BEND6: variants seen among roughly 807,000 people sequenced by gnomAD.
The protein encoded by BEND6 is BEN domain containing 6.
In BEND6, 24 loss-of-function variants were observed where a neutral mutation model predicts 31.8. The ratio of observed to expected loss-of-function variants is 0.75; its 90% CI spans 0.55 to 1.06. The LOEUF is 1.06. BEND6 is among the 50% of genes least tolerant of loss of function. The pLI is 0.00. For missense variants in BEND6, 294 were observed against 327.4 expected (o/e 0.90, Z 0.79); for synonymous variants, 109 against 114.6 (o/e 0.95, Z 0.31).
intron 2 of BEND6, among the ~76,000 whole-genome samples, chr6:56,985,176 G>T (rs1381405850): frequency 2.0e-5 from 3 of 152,172 alleles, no homozygotes; most frequent in South Asian, 2.1e-4. Context: ...TGCCATGCCT[G>T]TGCGCTACCA....
rs1827658291 is a variant in BEND6 at position 57,019,073 on chromosome 6, C to T, written c.*9+516C>T. The stretch of plus-strand genomic sequence containing the variant: ...ACTATTGGCTGAAGTGTGCAGCGTT[C>T]TTCTCCACCATCCTACATGTTGCTT... On this transcript the variant is annotated intron_variant, in intron 6 of 6. Transcript: ENST00000370746. 2.6e-5 allele frequency among the ~76,000 whole-genome samples: 4 copies of T among 152,326 alleles called. No homozygotes were observed. In the South Asian group the frequency reaches 8.3e-4, roughly 32 times the overall value.
chr6:56,986,736 G>A (rs1003500102), intron 2 of BEND6, among the ~76,000 whole-genome samples: 1 of 152,092 alleles, frequency 6.6e-6, no homozygotes, highest in African/African-American at 2.4e-5. Context: ...GTTTTTCGAA[G>A]TCTTGCACTC....
At chr6:57,002,074 A>G (rs1221706277) in intron 3 of BEND6, among the ~76,000 whole-genome samples, 1 of 152,244 alleles carries the variant, frequency 6.6e-6, no homozygotes. Context: ...ATATCAGATA[A>G]AACAGACTTT....
intron 3 of BEND6, among the ~76,000 whole-genome samples, chr6:56,995,798 G>GT (rs1826686165): frequency 6.6e-6 from 1 of 152,252 alleles, no homozygotes; most frequent in South Asian, 2.1e-4. Context: ...ACATTCTGAG[G>GT]TAATAGGGGT....
chr6:56,968,328 T>C (rs1825562552), intron 1 of BEND6, among the ~76,000 whole-genome samples: 2 of 129,892 alleles, frequency 1.5e-5, no homozygotes, highest in Non-Finnish European at 3.3e-5. Flanking sequence ...TTTTTTTTTT[T>C]TTTTTTTTTT....
At chr6:56,985,920 G>T (rs1424232142) in intron 2 of BEND6, among the ~76,000 whole-genome samples, 1 of 152,082 alleles carries the variant, frequency 6.6e-6, no homozygotes, top group Non-Finnish European at 1.5e-5. Context: ...ATATGTGTCT[G>T]TTAACTTCAT....
At chr6:56,973,557 TA>T (rs1417629789) in intron 1 of BEND6, among the ~76,000 whole-genome samples, 1 of 152,110 alleles carries the variant, frequency 6.6e-6, no homozygotes, top group African/African-American at 2.4e-5. Flanking sequence ...GTAATAAAAG[TA>T]AGGTGAATGT....
intron 3 of BEND6, chr6:57,014,045 G>C (rs1827442145): frequency 6.5e-6 from 1 of 153,062 alleles, no homozygotes; most frequent in African/African-American, 2.4e-5. Flanking sequence ...ACCTATCTCA[G>C]AGAGTTGCAA....
At chr6:57,012,915 G>A (rs981448968) in intron 3 of BEND6, among the ~76,000 whole-genome samples, 1 of 151,986 alleles carries the variant, frequency 6.6e-6, no homozygotes, top group African/African-American at 2.4e-5. Context: ...TGCTATTCCT[G>A]TGCCTCTAAC....
chr6:57,020,717 C>T (rs554422264), intron 6 of BEND6, among the ~76,000 whole-genome samples: 166 of 152,154 alleles, frequency 1.1e-3, no homozygotes, highest in Non-Finnish European at 1.8e-3. Context: ...CCACCGTGAC[C>T]GGCAATTTCC....
chr6:57,000,863 C>A (rs1826909292), intron 3 of BEND6, among the ~76,000 whole-genome samples: 1 of 138,496 alleles, frequency 7.2e-6, no homozygotes, highest in Non-Finnish European at 1.5e-5. Context: ...GGGCATTCAA[C>A]CAATATTAAA....
In BEND6 at chr6:56,965,187, G is replaced by GT. The variant is rs199946205; in HGVS notation, c.-101+9735dup. ...AAATGTGTAATGTAGCTGATCATTTGTTTTTTTTAAATTTTAATGTTGCTT... is the reference window on the plus strand; with the variant it reads ...AAATGTGTAATGTAGCTGATCATTTGTTTTTTTTTAAATTTTAATGTTGCTT... On this transcript the variant is annotated intron_variant, in intron 1 of 6. Transcript: ENST00000370746. Among the ~76,000 whole-genome samples, 444 of 151,936 alleles carry GT rather than the reference G, an allele frequency of 2.9e-3. 2 individuals are homozygous for GT. The highest frequency in any genetic ancestry group is 9.8e-3 in the African/African-American group (405 of 41,440).
rs893298912 is a variant in BEND6, at chr6:56,974,325, G to A, written c.-100-7386G>A. 2.6e-5 allele frequency among the ~76,000 whole-genome samples: 4 copies of A among 152,278 alleles called. No individual in the cohort carries two copies. The East Asian group carries it at 7.7e-4, about 29-fold the overall frequency. On this transcript the variant is annotated intron_variant, in intron 1 of 6. Coordinates refer to ENST00000370746, the MANE Select transcript of BEND6 (RefSeq NM_152731.3). ...TCCATTTAAATATGATAAATATATG[G>A]ATCTTTAGGTCAGATTTTCACAAAT...
Position 56,969,345 on chromosome 6 carries a change from G to A in BEND6, c.-100-12366G>A, listed in dbSNP as rs568654340. Among the ~76,000 whole-genome samples, 153 of 152,166 alleles carry A rather than the reference G, an allele frequency of 1.0e-3. 2 individuals are homozygous for A. In the Middle Eastern group the frequency reaches 0.014, roughly 14 times the overall value. On this transcript the variant is annotated intron_variant, in intron 1 of 6. Coordinates refer to ENST00000370746, the MANE Select transcript of BEND6 (RefSeq NM_152731.3). ...AATAATATAGGCATCTCCTTCCTCC[G>A]TGCCCTATCTTGCTATGCAGCTGGA...
rs2127897877 is a variant in BEND6, at chr6:57,026,528, T to G, written c.*456T>G. ...TTTTTGGATCTTTAGCATAAGCACA[T>G]GCTTGCAAAAGTAAACAGTGAAATA... On this transcript the variant is annotated 3_prime_UTR_variant, in exon 7 of 7. Coordinates refer to ENST00000370746, the MANE Select transcript of BEND6 (RefSeq NM_152731.3). The G allele has an allele frequency of 6.6e-6, 1 of 152,334 alleles. No individual in the cohort carries two copies. Among genetic ancestry groups the G allele is most frequent in the East Asian group, 1.9e-4 (1 of 5,190 alleles). 9.4% of individuals were successfully genotyped at this position (152,334 alleles called of 1,614,324 possible).
rs1036621169 is a variant in BEND6, at chr6:57,015,330, G to A, written c.496G>A (p.Glu166Lys). 3.7e-6 allele frequency: 6 copies of A among 1,613,776 alleles called. 1 individual carries two copies. Among genetic ancestry groups the A allele is most frequent in the South Asian group, 1.1e-5 (1 of 91,060 alleles). Reference sequence around the variant, plus strand: ...ACCAGTTTCCTTAAAGCCTGAGGAAGAGCATCAGACTGATGAGAAACAGGT... The same window carrying A: ...ACCAGTTTCCTTAAAGCCTGAGGAAAAGCATCAGACTGATGAGAAACAGGT... ...SSPVSLKPEE[E>K]HQTDEKQFQI... Residue 166 changes from glutamate to lysine, a missense_variant, in exon 4 of 7, where the codon GAG (glutamate) becomes AAG (lysine). By Grantham distance (56) the Glu-to-Lys change is moderately conservative. Transcript: ENST00000370746.
chr6:56,980,436 G>A lies in BEND6; in HGVS notation c.-100-1275G>A, dbSNP rs375159102. 5.3e-5 allele frequency among the ~76,000 whole-genome samples: 8 copies of A among 152,250 alleles called. No homozygotes were observed. In the South Asian group the frequency reaches 1.0e-3, roughly 20 times the overall value. ...ATTTCTCAGCTCAGGCAATCTGCCCGCCTGGGACTCCCAAAGTGCTAGGGT... is the reference window on the plus strand; with the variant it reads ...ATTTCTCAGCTCAGGCAATCTGCCCACCTGGGACTCCCAAAGTGCTAGGGT... On this transcript the variant is annotated intron_variant, in intron 1 of 6. Transcript: ENST00000370746.
chr6:57,013,619 T>C (rs1272304287), intron 3 of BEND6, among the ~76,000 whole-genome samples: 1 of 152,148 alleles, frequency 6.6e-6, no homozygotes, highest in Non-Finnish European at 1.5e-5. Flanking sequence ...CTCATTAGCA[T>C]AAACTATCAG....
intron 1 of BEND6, among the ~76,000 whole-genome samples, chr6:56,966,755 G>C (rs983288273): frequency 1.3e-5 from 2 of 152,124 alleles, no homozygotes; most frequent in African/African-American, 4.8e-5. Context: ...AAAGACAAAG[G>C]CTGGGTCATT....
Sources: allele counts gnomAD v4.1 joint callset (sites outside exome capture counted in the v4.1 genomes callset), GRCh38; gene constraint gnomAD v4.1.1; transcripts MANE v1.5; gene names NCBI Gene and HGNC (gene_info 2026-07-23, HGNC 2026-07-21).